The following CELF2 variants were observed in gnomAD, a reference collection of about 807,000 sequenced individuals.
The protein encoded by CELF2 is CUG triplet repeat RNA-binding protein 2.
Under a neutral mutation model 62.6 loss-of-function variants are expected in CELF2, and 8 were observed. The observed-to-expected ratio is 0.13, with a 90% confidence interval of 0.07 to 0.23. CELF2 has a LOEUF of 0.23. Ranked by LOEUF, CELF2 falls within the 10% of genes least tolerant of loss-of-function variation. The probability of loss-of-function intolerance (pLI) is 1.00; values close to 1 mark genes in which losing one functional copy is unlikely to be tolerated. For synonymous variants in CELF2, 258 were observed against 250.0 expected, an observed-to-expected ratio of 1.03 and a Z score of -0.30; for missense variants, 333 against 671.0, an observed-to-expected ratio of 0.50 and a Z score of 5.56.
At chr10:10,730,604 G>A in the CELF2 span, among the ~76,000 whole-genome samples, 4 of 152,384 alleles carry the variant, frequency 2.6e-5, no homozygotes, top group South Asian at 8.3e-4. Context: ...GATAGATGCA[G>A]AGATGAAAGA....
chr10:10,527,306 A>G, the CELF2 span, among the ~76,000 whole-genome samples: 6 of 152,072 alleles, frequency 3.9e-5, no homozygotes, highest in Non-Finnish European at 5.9e-5. Context: ...TTAATTGGGC[A>G]TGGTGGCATG....
the CELF2 span, among the ~76,000 whole-genome samples, chr10:10,500,119 G>T: frequency 6.6e-6 from 1 of 152,066 alleles, no homozygotes. Flanking sequence ...AGTCTCATTT[G>T]GGCACTAAAT....
intron 2 of CELF2, among the ~76,000 whole-genome samples, chr10:10,989,807 C>T (rs2053226564): frequency 1.3e-5 from 2 of 151,798 alleles, no homozygotes; most frequent in African/African-American, 4.8e-5. Flanking sequence ...ATTAAAAAAA[C>T]AGTTTATGAC....
At position 11,277,367 on chromosome 10, in the gene CELF2, G is replaced by A. The variant is rs1038768268; in HGVS notation, c.841+2247G>A. ...AAACTTTCCCAGCTTCCCCGAATGTGAGAGGGGCGCCTCTCTCCCGAATTC... is the reference window on the plus strand; with the variant it reads ...AAACTTTCCCAGCTTCCCCGAATGTAAGAGGGGCGCCTCTCTCCCGAATTC... On this transcript the variant is annotated intron_variant, in intron 8 of 12. Transcript: ENST00000633077. Among the ~76,000 whole-genome samples, 3 of 152,274 alleles carry A rather than the reference G, an allele frequency of 2.0e-5. No homozygotes were observed. The East Asian group carries it at 5.8e-4, about 29-fold the overall frequency.
At chr10:11,184,997 A>T (rs2074450718) in intron 2 of CELF2, among the ~76,000 whole-genome samples, 1 of 152,192 alleles carries the variant, frequency 6.6e-6, no homozygotes, top group African/African-American at 2.4e-5. Context: ...GAAAAGCATG[A>T]TGTAATGTAT....
At chr10:10,999,668 C>T (rs1316305919) in intron 2 of CELF2, among the ~76,000 whole-genome samples, 1 of 152,228 alleles carries the variant, frequency 6.6e-6, no homozygotes, top group Non-Finnish European at 1.5e-5. Flanking sequence ...ATCTTTCCTA[C>T]ACCATCTGGG....
chr10:10,599,723 TTC>T, the CELF2 span, among the ~76,000 whole-genome samples: 2 of 127,586 alleles, frequency 1.6e-5, no homozygotes, highest in Admixed American at 7.8e-5. Context: ...TTTTCTTTCT[TTC>T]TTTTTTTTTT....
chr10:10,896,580 G>A (rs1281957288), intron 1 of CELF2, among the ~76,000 whole-genome samples: 2 of 151,878 alleles, frequency 1.3e-5, no homozygotes, highest in African/African-American at 4.8e-5. Flanking sequence ...AGACACAGAG[G>A]CACAGACAAC....
chr10:10,472,649 A>T, the CELF2 span, among the ~76,000 whole-genome samples: 1 of 151,844 alleles, frequency 6.6e-6, no homozygotes, highest in Non-Finnish European at 1.5e-5. Flanking sequence ...TAAACTAGAC[A>T]TTGAAGGTAA....
Position 11,285,999 on chromosome 10 carries a change from A to G in CELF2, c.842-2419A>G, listed in dbSNP as rs2091197330. ...AACATAGGGTATGATGAGAGCCACGAAAGAGTTATAAACAAACAGATAAAG... is the reference window on the plus strand; with the variant it reads ...AACATAGGGTATGATGAGAGCCACGGAAGAGTTATAAACAAACAGATAAAG... On this transcript the variant is annotated intron_variant, in intron 8 of 12. Coordinates refer to ENST00000633077, the MANE Select transcript of CELF2 (RefSeq NM_001326342.2). The surrounding 1 kb of genome is among the most constrained non-coding windows in gnomAD (Gnocchi z 4.3). 6.6e-6 allele frequency among the ~76,000 whole-genome samples: 1 copy of G among 152,210 alleles called. No homozygotes were observed. Among genetic ancestry groups the G allele is most frequent in the Non-Finnish European group, 1.5e-5 (1 of 68,050 alleles).
rs61832284 is a variant in CELF2 at position 11,157,813 on chromosome 10, G to A, written c.75-7673G>A. 9.2e-5 allele frequency among the ~76,000 whole-genome samples: 14 copies of A among 152,310 alleles called. No individual in the cohort carries two copies. The highest frequency in any genetic ancestry group is 1.5e-4 in the Non-Finnish European group (10 of 68,026). ...AGTGTGTAGAGAGGGTTGTGAATCC[G>A]CACTGACCGTGTTCTCTTGCATAAA... On this transcript the variant is annotated intron_variant, in intron 1 of 12. Coordinates refer to ENST00000633077, the MANE Select transcript of CELF2 (RefSeq NM_001326342.2). This position sits in a 1 kb window ranked among gnomAD's most constrained non-coding sequence, Gnocchi z 4.9.
chr10:10,998,376 G>A (rs1360389152), intron 2 of CELF2, among the ~76,000 whole-genome samples: 2 of 152,040 alleles, frequency 1.3e-5, no homozygotes, highest in African/African-American at 4.8e-5. Flanking sequence ...TTTCTTTTGG[G>A]GATCATAACT....
In CELF2 at chr10:11,177,947, C is replaced by A. The variant is rs541848870; in HGVS notation, c.271+12265C>A. On this transcript the variant is annotated intron_variant, in intron 2 of 12. Transcript: ENST00000633077. This position sits in a 1 kb window ranked among gnomAD's most constrained non-coding sequence, Gnocchi z 4.8. ...CTGGTGGTGGCCTTAGAAGACAGCCCCTGTGAGGCTCAGTAAGCCGCAGCC... is the reference window on the plus strand; with the variant it reads ...CTGGTGGTGGCCTTAGAAGACAGCCACTGTGAGGCTCAGTAAGCCGCAGCC... Among the ~76,000 whole-genome samples, 109 of 152,250 alleles carry A rather than the reference C, an allele frequency of 7.2e-4. 4 individuals are homozygous for A. In the South Asian group the frequency reaches 0.022, roughly 31 times the overall value.
the CELF2 span, among the ~76,000 whole-genome samples, chr10:10,664,782 G>A: frequency 2.6e-5 from 4 of 152,164 alleles, no homozygotes; most frequent in Admixed American, 6.5e-5. Flanking sequence ...ATCTATCTTC[G>A]TGGGCAGATC....
chr10:10,666,024 G>A, the CELF2 span, among the ~76,000 whole-genome samples: 9 of 152,278 alleles, frequency 5.9e-5, no homozygotes, highest in East Asian at 7.7e-4. Context: ...CATTCTCACC[G>A]CTTGCAAAGC....
chr10:11,072,558 A>C (rs1477563577), intron 1 of CELF2, among the ~76,000 whole-genome samples: 1 of 152,194 alleles, frequency 6.6e-6, no homozygotes, highest in African/African-American at 2.4e-5. Flanking sequence ...TTTGAGCATA[A>C]GAGACTCTGG....
intron 1 of CELF2, chr10:10,846,056 A>G: frequency 1.0e-6 from 1 of 978,666 alleles, no homozygotes; most frequent in Non-Finnish European, 1.2e-6. Flanking sequence ...ACCCCCTTTC[A>G]TTGTAGACTT....
rs896430715 is a variant in CELF2, at chr10:11,224,695, A to C, written c.354+7188A>C. Among the ~76,000 whole-genome samples, 1 of 152,222 alleles carries C rather than the reference A, an allele frequency of 6.6e-6. No individual in the cohort carries two copies. ...ATGAGAACTCATCTCTGAGAATATC[A>C]TATCTGGCTGGACAGATCTTTAATC... On this transcript the variant is annotated intron_variant, in intron 3 of 12. Coordinates refer to ENST00000633077, the MANE Select transcript of CELF2 (RefSeq NM_001326342.2). The surrounding 1 kb of genome is among the most constrained non-coding windows in gnomAD (Gnocchi z 4.5).
At chr10:10,758,549 T>C in the CELF2 span, among the ~76,000 whole-genome samples, 1 of 151,156 alleles carries the variant, frequency 6.6e-6, no homozygotes, top group East Asian at 2.0e-4. Flanking sequence ...TGGTGTCCCA[T>C]TACAGAGCCT....
Sources: gnomAD v4.1 joint callset for allele counts (sites outside exome capture counted in the v4.1 genomes callset) on GRCh38, gnomAD v4.1.1 for gene constraint, Gnocchi (gnomAD v3.1) non-coding constraint, MANE v1.5 for transcripts, NCBI Gene and HGNC (gene_info 2026-07-23, HGNC 2026-07-21) for gene names.